GSE1: variants seen among roughly 807,000 people sequenced by gnomAD.
The protein encoded by GSE1 is genetic suppressor element 1.
GSE1 carries 32 observed loss-of-function variants against 112.6 expected under a neutral mutation model. The ratio of observed to expected loss-of-function variants is 0.28; its 90% CI spans 0.21 to 0.38. The LOEUF is 0.38. GSE1 is among the 10% of genes least tolerant of loss of function. The probability of loss-of-function intolerance (pLI) is 1.00; values close to 1 mark genes in which losing one functional copy is unlikely to be tolerated. For synonymous variants in GSE1, 1,115 were observed against 735.6 expected, an observed-to-expected ratio of 1.52 and a Z score of -8.35; for missense variants, 2,348 against 1,699.2, an observed-to-expected ratio of 1.38 and a Z score of -6.71.
intron 1 of GSE1, among the ~76,000 whole-genome samples, chr16:85,346,887 C>T (rs200090698): frequency 1.2e-4 from 16 of 132,894 alleles, no homozygotes; most frequent in Admixed American, 4.4e-4. Flanking sequence ...GGTGGATGAG[C>T]GGATGGATGG....
At chr16:85,542,472 C>A (rs935902440) in intron 2 of GSE1, among the ~76,000 whole-genome samples, 3 of 152,244 alleles carry the variant, frequency 2.0e-5, no homozygotes, top group African/African-American at 7.2e-5. Context: ...CCATAAGCCT[C>A]CGCTGTGCAG....
chr16:85,594,225 T>G (rs1192127869), intron 1 of GSE1: 1 of 698 alleles, frequency 1.4e-3, no homozygotes, highest in African/African-American at 4.3e-3. Context: ...GCCCGATCCC[T>G]GGGGGGTTGG....
chr16:85,393,825 G>C (rs977576284), intron 2 of GSE1, among the ~76,000 whole-genome samples: 1 of 152,206 alleles, frequency 6.6e-6, no homozygotes, highest in Non-Finnish European at 1.5e-5. Flanking sequence ...GGGCTGGGCT[G>C]AGGGGCTTGA....
At chr16:85,260,319 C>CTTTTTTTTTTTTT (rs111292010) in intron 1 of GSE1, among the ~76,000 whole-genome samples, 44 of 94,864 alleles carry the variant, frequency 4.6e-4, no homozygotes, top group African/African-American at 1.1e-3. Flanking sequence ...TTTTTCTTTT[C>CTTTTTTTTTTTTT]TTTTTTTTTT....
At position 85,657,467 on chromosome 16, in the gene GSE1, G is replaced by A; in HGVS notation, c.1503G>A (p.Gln501=). The change falls in exon 8 of 16, where the codon CAG becomes CAA. Residue 501 remains glutamine (Q), a synonymous_variant. Coordinates refer to ENST00000253458, the MANE Select transcript of GSE1 (RefSeq NM_014615.5). The part of the protein sequence containing the change: ...TNEEEKWLAR[Q]RRLRQEKEDR... ...AGGAGGAGAAGTGGCTGGCGCGGCA[G>A]CGGCGGCTGCGGCAGGAGAAGGAGG... is the stretch of plus-strand genomic sequence containing the variant. The A allele has an allele frequency of 1.2e-6, 2 of 1,608,038 alleles. No homozygotes were observed. The highest frequency in any genetic ancestry group is 1.7e-6 in the Non-Finnish European group (2 of 1,177,924).
chr16:85,454,752 C>T (rs1052928234), intron 2 of GSE1, among the ~76,000 whole-genome samples: 1 of 152,098 alleles, frequency 6.6e-6, no homozygotes, highest in Non-Finnish European at 1.5e-5. Context: ...GTAGACGCGT[C>T]ACTCCAGGCT....
intron 1 of GSE1, among the ~76,000 whole-genome samples, chr16:85,295,705 C>T (rs1288882682): frequency 6.6e-6 from 1 of 152,080 alleles, no homozygotes; most frequent in Non-Finnish European, 1.5e-5. Context: ...AGGACCATCA[C>T]AGCAACACTG....
chr16:85,502,518 G>A (rs962438873), intron 2 of GSE1, among the ~76,000 whole-genome samples: 2 of 152,184 alleles, frequency 1.3e-5, no homozygotes, highest in Admixed American at 1.3e-4. Context: ...GAGGGCAACC[G>A]GGCTTCTGGA....
intron 2 of GSE1, among the ~76,000 whole-genome samples, chr16:85,401,866 G>C (rs916173842): frequency 5.3e-5 from 8 of 152,222 alleles, no homozygotes; most frequent in Non-Finnish European, 1.0e-4. Flanking sequence ...CGTGTTCCCA[G>C]CCATCTAACT....
chr16:85,224,325 AAAAAAAGG>A (rs2075445657), intron 1 of GSE1, among the ~76,000 whole-genome samples: 5 of 137,342 alleles, frequency 3.6e-5, no homozygotes, highest in East Asian at 2.4e-4. Flanking sequence ...AAAAAAAAAA[AAAAAAAGG>A]GAACACACAG....
At chr16:85,456,908 T>C (rs2049844360) in intron 2 of GSE1, among the ~76,000 whole-genome samples, 1 of 152,072 alleles carries the variant, frequency 6.6e-6, no homozygotes, top group South Asian at 2.1e-4. Flanking sequence ...GAAGATGCCA[T>C]TCACAGCACA....
At chr16:85,223,098 A>C (rs141360814) in intron 1 of GSE1, among the ~76,000 whole-genome samples, 1 of 152,174 alleles carries the variant, frequency 6.6e-6, no homozygotes, top group Non-Finnish European at 1.5e-5. Context: ...CAAGGCTGCC[A>C]TACCCATTTG....
chr16:85,360,578 C>A (rs998201188), intron 2 of GSE1, among the ~76,000 whole-genome samples: 6 of 152,118 alleles, frequency 3.9e-5, no homozygotes, highest in African/African-American at 1.4e-4. Context: ...ATCCGGCAGG[C>A]GGGCGGGCGC....
intron 2 of GSE1, among the ~76,000 whole-genome samples, chr16:85,541,252 G>A (rs1273012744): frequency 1.3e-5 from 2 of 152,212 alleles, no homozygotes; most frequent in Non-Finnish European, 2.9e-5. Context: ...CGGGAGGGCT[G>A]CCAGCTGCAA....
At chr16:85,313,497 A>C (rs1157110730) in intron 1 of GSE1, among the ~76,000 whole-genome samples, 3 of 152,014 alleles carry the variant, frequency 2.0e-5, no homozygotes, top group African/African-American at 7.3e-5. Context: ...GTTGGCCCCG[A>C]GGAAGCCAAG....
chr16:85,221,305 C>T (rs2075387215), intron 1 of GSE1, among the ~76,000 whole-genome samples: 1 of 138,308 alleles, frequency 7.2e-6, no homozygotes, highest in African/African-American at 2.7e-5. Flanking sequence ...TCACACTTCC[C>T]TAGCGCGCAC....
intron 2 of GSE1, among the ~76,000 whole-genome samples, chr16:85,544,897 TGAG>T (rs1448031228): frequency 6.6e-6 from 1 of 152,162 alleles, no homozygotes; most frequent in African/African-American, 2.4e-5. Context: ...GAGCAGGATG[TGAG>T]GAGGCCAGCC....
chr16:85,631,228 C>T (rs9940421), intron 1 of GSE1, among the ~76,000 whole-genome samples: 5 of 152,248 alleles, frequency 3.3e-5, no homozygotes, highest in African/African-American at 9.6e-5. Flanking sequence ...GCTGAAGGTG[C>T]TTCGGTGACA....
At chr16:85,275,889 T>A (rs1166971040) in intron 1 of GSE1, among the ~76,000 whole-genome samples, 2 of 152,260 alleles carry the variant, frequency 1.3e-5, no homozygotes, top group African/African-American at 4.8e-5. Context: ...CTCTGCTCTC[T>A]GGCCCCGTTC....
Sources: gnomAD v4.1 joint callset for allele counts (sites outside exome capture counted in the v4.1 genomes callset) on GRCh38, gnomAD v4.1.1 for gene constraint, MANE v1.5 for transcripts, NCBI Gene and HGNC (gene_info 2026-07-23, HGNC 2026-07-21) for gene names.